MSRA: variants seen among roughly 807,000 people sequenced by gnomAD.
MSRA encodes the protein mitochondrial peptide methionine sulfoxide reductase.
MSRA carries 54 observed loss-of-function variants against 31.3 expected under a neutral mutation model. That is an observed-to-expected ratio of 1.73 (90% CI 1.39 to 2.17). The LOEUF (loss-of-function observed/expected upper bound fraction) is 2.17, where lower values mean the gene tolerates loss of function less well. Ranked by LOEUF, MSRA falls within the 30% of genes most tolerant of loss-of-function variation. The probability of loss-of-function intolerance (pLI) is 0.00; values close to 1 mark genes in which losing one functional copy is unlikely to be tolerated. For synonymous variants in MSRA, 169 were observed against 116.5 expected (o/e 1.45, Z -2.90); for missense variants, 507 against 300.9 (o/e 1.69, Z -5.07).
intron 1 of MSRA, among the ~76,000 whole-genome samples, chr8:10,056,775 C>T (rs887598753): frequency 6.6e-6 from 1 of 152,114 alleles, no homozygotes; most frequent in African/African-American, 2.4e-5. Context: ...ATGTGGAATT[C>T]ACCTCCACTG....
At chr8:10,309,888 G>A (rs1238908353) in intron 4 of MSRA, among the ~76,000 whole-genome samples, 1 of 152,222 alleles carries the variant, frequency 6.6e-6, no homozygotes, top group Non-Finnish European at 1.5e-5. Context: ...TCCGTGTTCA[G>A]GAGGTTGGCT....
intron 1 of MSRA, among the ~76,000 whole-genome samples, chr8:10,097,268 CT>C (rs1799221748): frequency 6.6e-6 from 1 of 152,102 alleles, no homozygotes; most frequent in African/African-American, 2.4e-5. Flanking sequence ...TTTTGATTTT[CT>C]GTAAAATGAA....
intron 5 of MSRA, among the ~76,000 whole-genome samples, chr8:10,416,564 G>A (rs1585731463): frequency 6.6e-6 from 1 of 152,194 alleles, no homozygotes; most frequent in Non-Finnish European, 1.5e-5. Flanking sequence ...GTGCTTTATA[G>A]CGTCTGCCTG....
intron 3 of MSRA, among the ~76,000 whole-genome samples, chr8:10,281,053 A>T (rs1026704900): frequency 1.3e-5 from 2 of 152,160 alleles, no homozygotes; most frequent in Non-Finnish European, 2.9e-5. Flanking sequence ...CTCTTTTTGG[A>T]GTGATAAAAA....
chr8:10,219,180 G>T (rs776741391), intron 2 of MSRA, among the ~76,000 whole-genome samples: 1 of 152,234 alleles, frequency 6.6e-6, no homozygotes, highest in Non-Finnish European at 1.5e-5. Flanking sequence ...AGCCTGCTCA[G>T]GGATGCTGCC....
intron 5 of MSRA, among the ~76,000 whole-genome samples, chr8:10,421,783 G>A (rs1485842256): frequency 1.3e-5 from 2 of 152,150 alleles, no homozygotes; most frequent in Non-Finnish European, 2.9e-5. Flanking sequence ...GGTGGATGAG[G>A]CCTAGGGGGC....
intron 1 of MSRA, among the ~76,000 whole-genome samples, chr8:10,079,907 A>G (rs1798196984): frequency 6.6e-6 from 1 of 152,212 alleles, no homozygotes. Flanking sequence ...CTACTTATGA[A>G]AAGTGCTTGA....
At chr8:10,414,966 G>T (rs1444632750) in intron 5 of MSRA, among the ~76,000 whole-genome samples, 2 of 152,160 alleles carry the variant, frequency 1.3e-5, no homozygotes, top group African/African-American at 4.8e-5. Flanking sequence ...AAGAAAACTC[G>T]TAGAGGAAAA....
chr8:10,120,809 G>A (rs1009679398), intron 1 of MSRA, among the ~76,000 whole-genome samples: 2 of 152,164 alleles, frequency 1.3e-5, no homozygotes, highest in African/African-American at 2.4e-5. Flanking sequence ...TGGCTGCTGG[G>A]CTGGCTAGCC....
At chr8:10,099,192 G>C (rs1799373709) in intron 1 of MSRA, among the ~76,000 whole-genome samples, 1 of 152,030 alleles carries the variant, frequency 6.6e-6, no homozygotes, top group South Asian at 2.1e-4. Flanking sequence ...GAAGGCATAG[G>C]TTCATCTTTG....
At chr8:10,243,780 T>G (rs1331410959) in intron 2 of MSRA, among the ~76,000 whole-genome samples, 1 of 152,208 alleles carries the variant, frequency 6.6e-6, no homozygotes, top group Non-Finnish European at 1.5e-5. Context: ...TAAAAGTGCA[T>G]GTAATTGTGT....
intron 1 of MSRA, among the ~76,000 whole-genome samples, chr8:10,141,454 C>T (rs1388342139): frequency 6.6e-6 from 1 of 152,202 alleles, no homozygotes; most frequent in Non-Finnish European, 1.5e-5. Context: ...TTGTCACCCA[C>T]ACAGGCCCAG....
chr8:10,405,185 T>A (rs11250003), intron 5 of MSRA, among the ~76,000 whole-genome samples: 28 of 152,224 alleles, frequency 1.8e-4, no homozygotes, highest in African/African-American at 6.7e-4. Context: ...GCCAGGTCAC[T>A]GAGCCCAGCC....
intron 2 of MSRA, among the ~76,000 whole-genome samples, chr8:10,231,225 C>T (rs528517561): frequency 2.0e-5 from 3 of 151,764 alleles, no homozygotes; most frequent in Non-Finnish European, 4.4e-5. Context: ...GGAGCTGAGG[C>T]GGGCGGACAG....
intron 2 of MSRA, among the ~76,000 whole-genome samples, chr8:10,209,224 T>C (rs1809271459): frequency 6.6e-6 from 1 of 152,272 alleles, no homozygotes; most frequent in South Asian, 2.1e-4. Context: ...GTGTCTGTTA[T>C]CATGGGACAG....
chr8:10,146,615 T>C (rs1402059081), intron 1 of MSRA, among the ~76,000 whole-genome samples: 1 of 152,196 alleles, frequency 6.6e-6, no homozygotes, highest in African/African-American at 2.4e-5. Flanking sequence ...GCGGCGGTTG[T>C]ACAACTTTCT....
intron 3 of MSRA, among the ~76,000 whole-genome samples, chr8:10,273,949 T>G (rs11249979): frequency 0.62 from 93,809 of 151,858 alleles, 29,087 homozygotes; most frequent in East Asian, 0.68. Flanking sequence ...AGGCAGCTGC[T>G]TTATAGGAGG....
chr8:10,417,664 G>A (rs1808548248), intron 5 of MSRA, among the ~76,000 whole-genome samples: 1 of 151,496 alleles, frequency 6.6e-6, no homozygotes, highest in Non-Finnish European at 1.5e-5. Context: ...TTTTTTTAAA[G>A]TTTTGATTGA....
intron 5 of MSRA, among the ~76,000 whole-genome samples, chr8:10,375,150 A>G (rs975673867): frequency 6.6e-6 from 1 of 152,224 alleles, no homozygotes; most frequent in Non-Finnish European, 1.5e-5. Flanking sequence ...TGCAGATGGA[A>G]TAACACACTT....
Sources: allele counts gnomAD v4.1 joint callset (sites outside exome capture counted in the v4.1 genomes callset), GRCh38; gene constraint gnomAD v4.1.1; transcripts MANE v1.5; gene names NCBI Gene and HGNC (gene_info 2026-07-23, HGNC 2026-07-21).